The following POC1B variants were observed in gnomAD, a reference collection of about 807,000 sequenced individuals.
POC1B encodes the protein POC1 centriolar protein homolog B.
POC1B carries 44 observed loss-of-function variants against 60.6 expected under a neutral mutation model. The ratio of observed to expected loss-of-function variants is 0.73; its 90% CI spans 0.57 to 0.93. The LOEUF is 0.93. Among genes scored for constraint, POC1B ranks in the 40% least tolerant of loss-of-function variants. The probability of loss-of-function intolerance (pLI) is 0.00; values close to 1 mark genes in which losing one functional copy is unlikely to be tolerated. For missense variants in POC1B, 555 were observed against 572.3 expected (o/e 0.97, Z 0.31); for synonymous variants, 180 against 198.9 (o/e 0.90, Z 0.80).
chr12:89,433,440 T>A (rs1259598206), intron 10 of POC1B, among the ~76,000 whole-genome samples: 1 of 152,076 alleles, frequency 6.6e-6, no homozygotes, highest in Non-Finnish European at 1.5e-5. Context: ...GGCTGTCTAG[T>A]CAAATCCAGC....
chr12:89,523,918 C>T (rs1565765608), intron 2 of POC1B: 7 of 1,602,264 alleles, frequency 4.4e-6, no homozygotes, highest in Non-Finnish European at 6.0e-6. Context: ...CCCAATCAGA[C>T]GGGCCCTAAC....
At chr12:89,470,320 A>C (rs112482028) in intron 7 of POC1B, 41 bp downstream of exon 7, 8 of 1,090,584 alleles carry the variant, frequency 7.3e-6, no homozygotes, top group Non-Finnish European at 9.4e-6. Context: ...ATATTATTTT[A>C]TATTTTTATA....
intron 10 of POC1B, among the ~76,000 whole-genome samples, chr12:89,446,156 G>A (rs1881776995): frequency 6.6e-6 from 1 of 152,110 alleles, no homozygotes; most frequent in South Asian, 2.1e-4. Context: ...ACTGTTGGTG[G>A]GACTGTAAAC....
At chr12:89,403,472 C>A in the POC1B span, among the ~76,000 whole-genome samples, 2 of 151,868 alleles carry the variant, frequency 1.3e-5, no homozygotes, top group African/African-American at 4.8e-5. Context: ...TATGAGTGAC[C>A]CCTTAAAGCC....
At chr12:89,485,828 A>G (rs1256736060) in intron 4 of POC1B, among the ~76,000 whole-genome samples, 1 of 152,228 alleles carries the variant, frequency 6.6e-6, no homozygotes, top group Non-Finnish European at 1.5e-5. Flanking sequence ...CCAACCTTTC[A>G]CTGATTGATT....
intron 2 of POC1B, among the ~76,000 whole-genome samples, chr12:89,509,901 C>T (rs921576876): frequency 3.3e-5 from 5 of 152,128 alleles, no homozygotes; most frequent in African/African-American, 7.2e-5. Flanking sequence ...GCTGGAGTGC[C>T]GTGGGGCGAT....
At chr12:89,426,376 G>T (rs1938022556) in intron 10 of POC1B, 1 of 152,120 alleles carries the variant, frequency 6.6e-6, no homozygotes, top group Non-Finnish European at 1.5e-5. Flanking sequence ...GTATACTTAA[G>T]AATGGTTAAA....
chr12:89,524,144 T>C (rs1871197363), intron 2 of POC1B: 12 of 1,614,030 alleles, frequency 7.4e-6, no homozygotes, highest in South Asian at 2.2e-5. Flanking sequence ...ACAGAGGTGG[T>C]AGGAAGTGTC....
intron 2 of POC1B, chr12:89,520,300 TA>T (rs1224718312): frequency 4.6e-5 from 7 of 152,100 alleles, no homozygotes; most frequent in Admixed American, 4.6e-4. Context: ...ATCAAGATAC[TA>T]AAATAAAAAT....
In POC1B at chr12:89,472,237, T is replaced by C. The variant is rs1592609953; in HGVS notation, c.491A>G (p.Glu164Gly). Residue 164 changes from glutamate (E) to glycine (G), a missense_variant, in exon 5 of 12, where the codon GAG becomes GGG. Physicochemically the swap from Glu to Gly is moderately conservative, Grantham distance 98. Transcript: ENST00000313546. Reference sequence around the variant, plus strand: ...ATCCCAAATTTTAATAGTTTTATCCTCACTACATGACACAATTAGTCTTCC... The same window carrying C: ...ATCCCAAATTTTAATAGTTTTATCCCCACTACATGACACAATTAGTCTTCC... ...PDGRLIVSCS[E>G]DKTIKIWDTT... 6.2e-7 allele frequency: 1 copy of C among 1,607,438 alleles called. No homozygotes were observed. The highest frequency in any genetic ancestry group is 8.5e-7 in the Non-Finnish European group (1 of 1,174,796).
chr12:89,422,844 T>C (rs1309760357), intron 11 of POC1B, among the ~76,000 whole-genome samples: 1 of 152,176 alleles, frequency 6.6e-6, no homozygotes, highest in African/African-American at 2.4e-5. Context: ...AAAAATGGAA[T>C]CCCTATCATC....
intron 4 of POC1B, chr12:89,485,346 G>A (rs1482317430): frequency 6.6e-6 from 1 of 152,144 alleles, no homozygotes; most frequent in Non-Finnish European, 1.5e-5. Context: ...ACTGCAATAA[G>A]GTAAGCCAAG....
chr12:89,434,261 G>T (rs1881158629), intron 10 of POC1B, among the ~76,000 whole-genome samples: 1 of 152,180 alleles, frequency 6.6e-6, no homozygotes, highest in South Asian at 2.1e-4. Context: ...CTTCTTGAGA[G>T]CAAATTGGAA....
chr12:89,524,366 G>A (rs748695037), intron 2 of POC1B: 11 of 1,613,898 alleles, frequency 6.8e-6, no homozygotes, highest in Middle Eastern at 3.3e-4. Flanking sequence ...TTATAAAGCG[G>A]TCGAGACAAA....
At chr12:89,518,772 G>A (rs1460138002) in intron 2 of POC1B, among the ~76,000 whole-genome samples, 2 of 152,138 alleles carry the variant, frequency 1.3e-5, no homozygotes, top group Admixed American at 6.5e-5. Context: ...GAGATGAAGT[G>A]ATTTACACAG....
At chr12:89,472,899 A>G (rs1882958677) in intron 4 of POC1B, among the ~76,000 whole-genome samples, 1 of 152,254 alleles carries the variant, frequency 6.6e-6, no homozygotes, top group African/African-American at 2.4e-5. Flanking sequence ...CACACGCCCC[A>G]TTAAAAAGCA....
At chr12:89,483,906 T>C (rs984228722) in intron 4 of POC1B, among the ~76,000 whole-genome samples, 1 of 151,938 alleles carries the variant, frequency 6.6e-6, no homozygotes, top group Non-Finnish European at 1.5e-5. Context: ...AATATGGGGG[T>C]AAATATAAAA....
rs1565747639 is a variant in POC1B at position 89,491,858 on chromosome 12, C to T, written c.452+78G>A. On this transcript the variant is annotated intron_variant, in intron 4 of 11. Coordinates refer to ENST00000313546, the MANE Select transcript of POC1B (RefSeq NM_172240.3). ...TGAATGAATGAATATGTCCTCAAACCCTTTTTCTGGAAGTTGGGGGCAAAC... is the reference window on the plus strand; with the variant it reads ...TGAATGAATGAATATGTCCTCAAACTCTTTTTCTGGAAGTTGGGGGCAAAC... 7 of 1,247,294 alleles carry T rather than the reference C, an allele frequency of 5.6e-6. No homozygotes were observed. In the South Asian group the frequency reaches 5.7e-5, roughly 10 times the overall value. 77.3% of individuals were successfully genotyped at this position (1,247,294 alleles called of 1,614,324 possible). A position where few individuals can be genotyped will look rare whatever the true frequency, so the allele number is the denominator to read the frequency against.
intron 4 of POC1B, among the ~76,000 whole-genome samples, chr12:89,479,130 C>G (rs560290424): frequency 6.6e-6 from 1 of 152,272 alleles, no homozygotes; most frequent in East Asian, 1.9e-4. Context: ...CACAATTACA[C>G]TTAATATCTT....
Sources: allele counts gnomAD v4.1 joint callset (sites outside exome capture counted in the v4.1 genomes callset), GRCh38; gene constraint gnomAD v4.1.1; transcripts MANE v1.5; gene names NCBI Gene and HGNC (gene_info 2026-07-23, HGNC 2026-07-21).